Variants in MIOX observed in about 807,000 individuals in gnomAD.
The protein encoded by MIOX is myo-inositol oxygenase.
MIOX carries 51 observed loss-of-function variants against 42.7 expected under a neutral mutation model. The observed-to-expected ratio is 1.19, with a 90% CI of 0.95 to 1.51. The LOEUF is 1.51. MIOX is among the 40% of genes most tolerant of loss of function. The pLI, the probability that MIOX is intolerant of heterozygous loss-of-function variation, is 0.00. For synonymous variants in MIOX, 168 were observed against 154.4 expected (o/e 1.09, Z -0.65); for missense variants, 395 against 381.3 (o/e 1.04, Z -0.30).
intron 1 of MIOX, 148 bp downstream of exon 1, chr22:50,487,060 G>A (rs894876924): frequency 8.4e-6 from 9 of 1,069,198 alleles, no homozygotes; most frequent in South Asian, 2.7e-5. Flanking sequence ...CAGGCTCCCT[G>A]TGGACTCAGT....
At chr22:50,487,128 G>C (rs1010442316) in intron 1 of MIOX, among the ~76,000 whole-genome samples, 1 of 152,212 alleles carries the variant, frequency 6.6e-6, no homozygotes, top group African/African-American at 2.4e-5. Context: ...CTCAGGCGTG[G>C]TGTCCCCTGT....
rs139015483 is a variant in MIOX at position 50,488,139 on chromosome 22, C to G, written c.340+91C>G. On this transcript the variant is annotated intron_variant, in intron 4 of 9. Coordinates refer to ENST00000216075, the MANE Select transcript of MIOX (RefSeq NM_017584.6). ...AGGGTGGGAGGGGACAGTAGTGGGC[C>G]CAGGCCTCCTCCAGCAGCCCTGCCT... 1.5e-3 allele frequency: 2,309 copies of G among 1,587,914 alleles called. 35 individuals are homozygous for G. In the African/African-American group the frequency reaches 0.026, roughly 18 times the overall value.
rs2068341441 is a variant in MIOX, at chr22:50,489,991, C to T, written c.*135C>T. On this transcript the variant is annotated 3_prime_UTR_variant, in exon 10 of 10. Transcript: ENST00000216075. ...CCCACTCACCCCCTTAGGGTCGCCA[C>T]CCCTCACGGCAACTTGTGCCTGGCG... 30 of 708,120 alleles carry T rather than the reference C, an allele frequency of 4.2e-5. 1 individual carries two copies. The South Asian group carries it at 4.8e-4, about 11-fold the overall frequency. 43.9% of individuals were successfully genotyped at this position (708,120 alleles called of 1,614,324 possible). A position where few individuals can be genotyped will look rare whatever the true frequency, so the allele number is the denominator to read the frequency against.
Position 50,487,886 on chromosome 22 carries a change from C to T in MIOX, c.178C>T (p.His60Tyr). The T allele has an allele frequency of 6.2e-7, 1 of 1,613,806 alleles. No homozygotes were observed. The highest frequency in any genetic ancestry group is 1.1e-5 in the South Asian group (1 of 91,080). The change falls in exon 4 of 10, where the codon CAT (histidine) becomes TAT (tyrosine). Residue 60 changes from histidine (H) to tyrosine (Y), a missense_variant and splice_region_variant. By Grantham distance (83) the His-to-Tyr change is moderately conservative. Transcript: ENST00000216075. ...ACACTGCCTTCTCCTTCCCCGCCAGCATGCCCAGTTTGGGGGCTTCTCCTA... is the reference window on the plus strand; with the variant it reads ...ACACTGCCTTCTCCTTCCCCGCCAGTATGCCCAGTTTGGGGGCTTCTCCTA... The part of the protein sequence containing the change: ...HQTVDFVRSK[H>Y]AQFGGFSYKK...
chr22:50,489,897 C>T lies in MIOX; in HGVS notation c.*41C>T. On this transcript the variant is annotated 3_prime_UTR_variant, in exon 10 of 10. Coordinates refer to ENST00000216075, the MANE Select transcript of MIOX (RefSeq NM_017584.6). ...AGCTGCTGCTGGACCTAGGCCTGGC[C>T]CTCCGCCTGCCTGGAGAGGCCTGGC... The T allele has an allele frequency of 1.3e-6, 2 of 1,571,386 alleles. No individual in the cohort carries two copies. Among genetic ancestry groups the T allele is most frequent in the Non-Finnish European group, 1.7e-6 (2 of 1,149,638 alleles).
Position 50,489,075 on chromosome 22 carries a change from C to T in MIOX, c.444C>T (p.Cys148=). The T allele has an allele frequency of 6.2e-7, 1 of 1,612,158 alleles. No individual in the cohort carries two copies. ...TCGGCGACACCTTCCCCGTCGGATG[C>T]CGTCCGCAGGCCTCCGTGGTTTTCT... ...AVVGDTFPVG[C]RPQASVVFCD... is the part of the protein sequence containing the mutation. Residue 148 remains cysteine, a synonymous_variant, in exon 6 of 10, where the codon TGC becomes TGT. Coordinates refer to ENST00000216075, the MANE Select transcript of MIOX (RefSeq NM_017584.6).
In MIOX at chr22:50,487,883, C is replaced by T. The variant is rs773810422; in HGVS notation, c.178-3C>T. On this transcript the variant is annotated splice_polypyrimidine_tract_variant and splice_region_variant and intron_variant, in intron 3 of 9. Transcript: ENST00000216075. ...GCCACACTGCCTTCTCCTTCCCCGC[C>T]AGCATGCCCAGTTTGGGGGCTTCTC... is the stretch of plus-strand genomic sequence containing the variant. The T allele has an allele frequency of 4.3e-6, 7 of 1,613,776 alleles. 1 individual carries two copies. In the South Asian group the frequency reaches 7.7e-5, roughly 18 times the overall value.
chr22:50,489,027 T>TGTCCCTCCC lies in MIOX; in HGVS notation c.409-6_409-5insCCGTCCCTC, dbSNP rs759821236. On this transcript the variant is annotated splice_polypyrimidine_tract_variant and intron_variant, in intron 5 of 9. Coordinates refer to ENST00000216075, the MANE Select transcript of MIOX (RefSeq NM_017584.6). ...TCCCCCCATGGCCTCCCGTCCCTCC[T>TGTCCCTCCC]GTCCCTCTGCAGTGGGCTGTCGTCG... 1.2e-4 allele frequency: 189 copies of TGTCCCTCCC among 1,599,906 alleles called. No individual in the cohort carries two copies. Among genetic ancestry groups the TGTCCCTCCC allele is most frequent in the Non-Finnish European group, 5.4e-5 (63 of 1,174,972 alleles).
At chr22:50,488,134 T>C in intron 4 of MIOX, 86 bp downstream of exon 4, 3 of 1,590,484 alleles carry the variant, frequency 1.9e-6, no homozygotes, top group Admixed American at 1.8e-5. Context: ...GGGACAGTAG[T>C]GGGCCCAGGC....
At chr22:50,488,989 C>T in intron 5 of MIOX, 51 bp from the exon 6 acceptor site, 6 of 1,289,848 alleles carry the variant, frequency 4.7e-6, no homozygotes, top group Non-Finnish European at 6.5e-6. Flanking sequence ...TCATCGGCGA[C>T]ACCTTCCCCC....
chr22:50,487,842 G>C, intron 3 of MIOX, 44 bp from the exon 4 acceptor site: 1 of 1,612,286 alleles, frequency 6.2e-7, no homozygotes, highest in Non-Finnish European at 8.5e-7. Context: ...CTGTGTGGTG[G>C]GCCTGCTGAC....
At chr22:50,488,692 C>A (rs1331872334) in intron 5 of MIOX, among the ~76,000 whole-genome samples, 1 of 139,132 alleles carries the variant, frequency 7.2e-6, no homozygotes, top group African/African-American at 2.7e-5. Context: ...TGTCACTCTG[C>A]AGTGGGCGGT....
chr22:50,487,647 C>A lies in MIOX; in HGVS notation c.97-15C>A. 6.2e-7 allele frequency: 1 copy of A among 1,610,152 alleles called. No individual in the cohort carries two copies. Among genetic ancestry groups the A allele is most frequent in the African/African-American group, 1.3e-5 (1 of 74,982 alleles). ...TGCAGGGTGGGGGTGGCGCCACTGA[C>A]CCTCCGGCCTGCAGTCAGGTCCCCT... On this transcript the variant is annotated splice_polypyrimidine_tract_variant and intron_variant, in intron 2 of 9. Transcript: ENST00000216075.
In MIOX at chr22:50,489,046, G is replaced by A. The variant is rs775322040; in HGVS notation, c.415G>A (p.Val139Ile). 2 of 1,552,932 alleles carry A rather than the reference G, an allele frequency of 1.3e-6. No homozygotes were observed. The stretch of plus-strand genomic sequence containing the variant: ...CCCTCCTGTCCCTCTGCAGTGGGCT[G>A]TCGTCGGCGACACCTTCCCCGTCGG... The part of the protein sequence containing the change: ...LALFGEPQWA[V>I]VGDTFPVGCR... Residue 139 changes from valine (V) to isoleucine (I), a missense_variant, in exon 6 of 10, where the codon GTC (valine) becomes ATC (isoleucine). Val to Ile is a conservative substitution (Grantham distance 29). Transcript: ENST00000216075.
At chr22:50,488,945 C>T (rs1281138185) in intron 5 of MIOX, 95 bp from the exon 6 acceptor site, 1 of 861,370 alleles carries the variant, frequency 1.2e-6, no homozygotes, top group East Asian at 2.7e-5. Context: ...CCCCCCATGG[C>T]CGCCCGTCCC....
Position 50,489,028 on chromosome 22 carries a change from G to GTCCCTCC in MIOX, c.409-6_409-5insCTCCCTC. ...CCCCCCATGGCCTCCCGTCCCTCCT[G>GTCCCTCC]TCCCTCTGCAGTGGGCTGTCGTCGG... On this transcript the variant is annotated splice_polypyrimidine_tract_variant and intron_variant, in intron 5 of 9. Coordinates refer to ENST00000216075, the MANE Select transcript of MIOX (RefSeq NM_017584.6). The GTCCCTCC allele has an allele frequency of 6.2e-7, 1 of 1,600,786 alleles. No homozygotes were observed.
At position 50,488,265 on chromosome 22, in the gene MIOX, C is replaced by T; in HGVS notation, c.341-10C>T. Reference sequence around the variant, plus strand: ...CAGTCCCCAACCTGCCCTGTCCATCCCCCTCCCAGACTGGTTCCACCTCGT... The same window carrying T: ...CAGTCCCCAACCTGCCCTGTCCATCTCCCTCCCAGACTGGTTCCACCTCGT... On this transcript the variant is annotated splice_polypyrimidine_tract_variant and intron_variant, in intron 4 of 9. Coordinates refer to ENST00000216075, the MANE Select transcript of MIOX (RefSeq NM_017584.6). 6.2e-7 allele frequency: 1 copy of T among 1,613,624 alleles called. No individual in the cohort carries two copies. Among genetic ancestry groups the T allele is most frequent in the East Asian group, 2.2e-5 (1 of 44,874 alleles).
In MIOX at chr22:50,487,011, C is replaced by G. The variant is rs930544555; in HGVS notation, c.15+99C>G. The G allele has an allele frequency of 2.7e-6, 4 of 1,491,270 alleles. No homozygotes were observed. The South Asian group carries it at 4.6e-5, about 17-fold the overall frequency. 92.4% of individuals were successfully genotyped at this position (1,491,270 alleles called of 1,614,324 possible). A position where few individuals can be genotyped will look rare whatever the true frequency, so the allele number is the denominator to read the frequency against. Reference sequence around the variant, plus strand: ...TAGCTGGCACTGGCCAGCCCTCCTCCTCCGTCCAGCTGGGCAAGAGCCAGC... The same window carrying G: ...TAGCTGGCACTGGCCAGCCCTCCTCGTCCGTCCAGCTGGGCAAGAGCCAGC... On this transcript the variant is annotated intron_variant, in intron 1 of 9. Coordinates refer to ENST00000216075, the MANE Select transcript of MIOX (RefSeq NM_017584.6).
chr22:50,487,745 A>G lies in MIOX; in HGVS notation c.177+3A>G, dbSNP rs1405723982. 6.2e-7 allele frequency: 1 copy of G among 1,613,696 alleles called. No homozygotes were observed. The highest frequency in any genetic ancestry group is 1.7e-5 in the Admixed American group (1 of 59,986). The stretch of plus-strand genomic sequence containing the variant: ...CAGTGGACTTCGTCAGGAGCAAGGT[A>G]GGCGTTTCCTGCCGCCCCGTGCAAA... On this transcript the variant is annotated splice_donor_region_variant and intron_variant, in intron 3 of 9. Coordinates refer to ENST00000216075, the MANE Select transcript of MIOX (RefSeq NM_017584.6).
Sources: allele counts gnomAD v4.1 joint callset (sites outside exome capture counted in the v4.1 genomes callset), GRCh38; gene constraint gnomAD v4.1.1; transcripts MANE v1.5; gene names NCBI Gene and HGNC (gene_info 2026-07-23, HGNC 2026-07-21).